Variants in PCDHGB3 observed in about 807,000 individuals in gnomAD.
PCDHGB3 encodes protocadherin gamma subfamily B, 3, also known as protocadherin gamma-B3.
A neutral mutation model predicts 59.2 loss-of-function variants in PCDHGB3; 40 were observed. That is an observed-to-expected ratio of 0.68 (90% confidence interval 0.52 to 0.88). The LOEUF is 0.88. Ranked by LOEUF, PCDHGB3 falls within the 40% of genes least tolerant of loss-of-function variation. The pLI, the probability that PCDHGB3 is intolerant of heterozygous loss-of-function variation, is 0.00. For missense variants in PCDHGB3, 1,309 were observed against 1,187.9 expected (o/e 1.10, Z -1.50); for synonymous variants, 581 against 503.6 (o/e 1.15, Z -2.06).
intron 1 of PCDHGB3, chr5:141,416,673 C>A (rs1259750007): frequency 6.6e-6 from 1 of 151,958 alleles, no homozygotes; most frequent in Non-Finnish European, 1.5e-5. Flanking sequence ...ATATATGCAA[C>A]GAAGGGAAAT....
chr5:141,420,364 A>G (rs942479456), intron 1 of PCDHGB3: 8 of 1,368,440 alleles, frequency 5.8e-6, no homozygotes, highest in African/African-American at 3.0e-5. Flanking sequence ...ATTCTAGATA[A>G]CTTCTTCATA....
intron 1 of PCDHGB3, chr5:141,427,665 G>A (rs763897261): frequency 1.3e-5 from 10 of 782,298 alleles, no homozygotes; most frequent in Admixed American, 3.9e-5. Flanking sequence ...CCACGTGGCC[G>A]AAAACAACCT....
rs202220616 is a variant in PCDHGB3, at chr5:141,389,200, A to G, written c.2415+16391A>G. On this transcript the variant is annotated intron_variant, in intron 1 of 3. Coordinates refer to ENST00000576222, the MANE Select transcript of PCDHGB3 (RefSeq NM_018924.5). ...TCCTCCAGTTCCAGCATCACCCTGC[A>G]CATTGGTGATGTAAATGACAACGCT... is the stretch of plus-strand genomic sequence containing the variant. 1,731 of 1,614,032 alleles carry G rather than the reference A, an allele frequency of 1.1e-3. 2 individuals carry two copies. Among genetic ancestry groups the G allele is most frequent in the Non-Finnish European group, 1.4e-3 (1,628 of 1,179,874 alleles).
chr5:141,407,548 G>A (rs2094952527), intron 1 of PCDHGB3, among the ~76,000 whole-genome samples: 1 of 151,388 alleles, frequency 6.6e-6, no homozygotes, highest in Non-Finnish European at 1.5e-5. Context: ...GTAACAGATT[G>A]TAGAACATAA....
intron 1 of PCDHGB3, chr5:141,478,196 C>T: frequency 6.2e-7 from 1 of 1,614,068 alleles, no homozygotes; most frequent in Middle Eastern, 1.6e-4. Context: ...CACCTTTTAT[C>T]TACTTCTTTC....
Position 141,511,207 on chromosome 5 carries a change from T to A in PCDHGB3, c.*34T>A, listed in dbSNP as rs773761839. ...CCAGGCCAAGAGCCACAGGGCGGCC[T>A]CTCCCCAACCAGCCCAGCTTCTCCT... On this transcript the variant is annotated 3_prime_UTR_variant, in exon 4 of 4. Transcript: ENST00000576222. 1 of 1,611,162 alleles carries A rather than the reference T, an allele frequency of 6.2e-7. No individual in the cohort carries two copies. The highest frequency in any genetic ancestry group is 1.1e-5 in the South Asian group (1 of 90,702).
Position 141,407,988 on chromosome 5 carries a change from C to T in PCDHGB3, c.2415+35179C>T, listed in dbSNP as rs923527525. 1.3e-4 allele frequency: 104 copies of T among 827,076 alleles called. 1 individual carries two copies. The highest frequency in any genetic ancestry group is 3.7e-4 in the Middle Eastern group (1 of 2,684). 51.2% of individuals were successfully genotyped at this position (827,076 alleles called of 1,614,324 possible). ...GCGCTGACGCCGGGGATCCGTCAGC[C>T]TCTGGCCTGGGATTCCCTGCGCAGC... On this transcript the variant is annotated intron_variant, in intron 1 of 3. Transcript: ENST00000576222.
At chr5:141,470,734 G>C (rs970003510) in intron 1 of PCDHGB3, among the ~76,000 whole-genome samples, 1 of 152,128 alleles carries the variant, frequency 6.6e-6, no homozygotes, top group South Asian at 2.1e-4. Context: ...GTCTTGCTCT[G>C]TCGCCCTGGC....
intron 1 of PCDHGB3, among the ~76,000 whole-genome samples, chr5:141,444,253 C>T (rs2154560603): frequency 7.0e-6 from 1 of 142,690 alleles, no homozygotes; most frequent in South Asian, 2.3e-4. Flanking sequence ...CTCACTGCAA[C>T]CTCCGCCTCC....
chr5:141,506,085 G>A lies in PCDHGB3; in HGVS notation c.2563+604G>A, dbSNP rs532931472. Among the ~76,000 whole-genome samples the A allele has an allele frequency of 2.6e-4, 39 of 152,168 alleles. 1 individual carries two copies. In the South Asian group the frequency reaches 2.9e-3, roughly 11 times the overall value. On this transcript the variant is annotated intron_variant, in intron 3 of 3. Coordinates refer to ENST00000576222, the MANE Select transcript of PCDHGB3 (RefSeq NM_018924.5). ...AGGGCTTCCTTTGTAATAGAGATTC[G>A]GCTAGTGGTGGTTGTCCCTGAAGAG...
intron 1 of PCDHGB3, chr5:141,394,519 C>T: frequency 6.2e-7 from 1 of 1,614,240 alleles, no homozygotes; most frequent in Non-Finnish European, 8.5e-7. Flanking sequence ...GCCCTCCCCA[C>T]AGACGGTTCC....
chr5:141,410,349 G>A, intron 1 of PCDHGB3: 1 of 1,613,994 alleles, frequency 6.2e-7, no homozygotes, highest in Non-Finnish European at 8.5e-7. Flanking sequence ...TTGCGCCTGC[G>A]ACGCTCTCTC....
chr5:141,377,605 C>CTCA (rs200405264), intron 1 of PCDHGB3: 6 of 140,756 alleles, frequency 4.3e-5, no homozygotes, highest in South Asian at 4.7e-4. Context: ...CTCTCTCTCT[C>CTCA]AAAAAAAAAA....
chr5:141,502,955 T>C (rs2099817293), intron 2 of PCDHGB3, among the ~76,000 whole-genome samples: 1 of 149,868 alleles, frequency 6.7e-6, no homozygotes, highest in Non-Finnish European at 1.5e-5. Context: ...GCGATTCTCC[T>C]GCCTCAGCCT....
intron 1 of PCDHGB3, chr5:141,423,749 TTGGGGGGGGGG>T: frequency 3.7e-6 from 1 of 272,202 alleles, no homozygotes; most frequent in Non-Finnish European, 4.7e-6. Context: ...TGAAAACTGT[TTGGGGGGGGGG>T]TGGGGCGGCA....
intron 1 of PCDHGB3, chr5:141,400,191 A>C (rs781032596): frequency 5.0e-6 from 8 of 1,613,852 alleles, no homozygotes; most frequent in Non-Finnish European, 4.2e-6. Context: ...AGTTTTACCT[A>C]GTGGTGGCCT....
intron 2 of PCDHGB3, among the ~76,000 whole-genome samples, chr5:141,502,537 G>A (rs900570745): frequency 2.0e-5 from 3 of 152,042 alleles, no homozygotes; most frequent in Admixed American, 6.6e-5. Context: ...GTTTGTTCGT[G>A]TGGTAAAAAC....
chr5:141,375,376 T>C (rs369693089), intron 1 of PCDHGB3: 1 of 1,613,930 alleles, frequency 6.2e-7, no homozygotes, highest in Non-Finnish European at 8.5e-7. Flanking sequence ...GAACACCACC[T>C]CTGTCTACAG....
In PCDHGB3 at chr5:141,381,798, C is replaced by CTCTTTCTTTCTTTCTT. The variant is rs372235829; in HGVS notation, c.2415+8998_2415+9013dup. On this transcript the variant is annotated intron_variant, in intron 1 of 3. Coordinates refer to ENST00000576222, the MANE Select transcript of PCDHGB3 (RefSeq NM_018924.5). Reference sequence around the variant, plus strand: ...ATCAGGAACAAGGCAAGGCAATTCCCTCTTTCTTTCTTTCTTTCTTTCTTC... The same window carrying CTCTTTCTTTCTTTCTT: ...ATCAGGAACAAGGCAAGGCAATTCCCTCTTTCTTTCTTTCTTTCTTTCTTTCTTTCTTTCTTTCTTC... Among the ~76,000 whole-genome samples, 49 of 144,164 alleles carry CTCTTTCTTTCTTTCTT rather than the reference C, an allele frequency of 3.4e-4. 1 individual carries two copies. The highest frequency in any genetic ancestry group is 1.3e-3 in the African/African-American group (47 of 37,522). The allele number at this position is 144,164 out of a possible 152,430, so 94.6% of individuals were successfully genotyped here. A position where few individuals can be genotyped will look rare whatever the true frequency, so the allele number is the denominator to read the frequency against.
Sources: gnomAD v4.1 joint callset for allele counts (sites outside exome capture counted in the v4.1 genomes callset) on GRCh38, gnomAD v4.1.1 for gene constraint, MANE v1.5 for transcripts, NCBI Gene and HGNC (gene_info 2026-07-23, HGNC 2026-07-21) for gene names.